The following IL5 variants were observed in gnomAD, a reference collection of about 807,000 sequenced individuals.
IL5 encodes the protein interleukin-5.
A neutral mutation model predicts 16.3 loss-of-function variants in IL5; 12 were observed. That is an observed-to-expected ratio of 0.74 (90% CI 0.47 to 1.20). The LOEUF (loss-of-function observed/expected upper bound fraction) is 1.20, where lower values mean the gene tolerates loss of function less well. Among genes scored for constraint, IL5 ranks in the 50% most tolerant of loss-of-function variants. IL5 has a pLI of 0.00. For missense variants in IL5, 159 were observed against 153.9 expected (o/e 1.03, Z -0.17); for synonymous variants, 54 against 56.6 (o/e 0.95, Z 0.21).
At position 132,543,495 on chromosome 5, in the gene IL5, G is replaced by T; in HGVS notation, c.-17C>A. The T allele has an allele frequency of 6.2e-7, 1 of 1,611,904 alleles. No individual in the cohort carries two copies. Among genetic ancestry groups the T allele is most frequent in the Non-Finnish European group, 8.5e-7 (1 of 1,179,230 alleles). On this transcript the variant is annotated 5_prime_UTR_variant, in exon 1 of 4. Coordinates refer to ENST00000231454, the MANE Select transcript of IL5 (RefSeq NM_000879.3). Reference sequence around the variant, plus strand: ...CATCCTCATGGCTCTGAAACGTTCTGCGTTTGCCTTTGGCAAAGAAAGTGC... The same window carrying T: ...CATCCTCATGGCTCTGAAACGTTCTTCGTTTGCCTTTGGCAAAGAAAGTGC...
intron 1 of IL5, among the ~76,000 whole-genome samples, chr5:132,555,166 C>T (rs1749954400): frequency 3.9e-5 from 6 of 152,210 alleles, no homozygotes; most frequent in Admixed American, 3.3e-4. Flanking sequence ...CTGCTGCTCA[C>T]CTCCTACTGT....
At chr5:132,551,638 AG>A (rs1163289957) in intron 1 of IL5, among the ~76,000 whole-genome samples, 2 of 152,160 alleles carry the variant, frequency 1.3e-5, no homozygotes, top group Non-Finnish European at 2.9e-5. Flanking sequence ...TGATGGGAAA[AG>A]CTCCAGCCAC....
At chr5:132,555,443 A>G (rs1259188459) in intron 1 of IL5, among the ~76,000 whole-genome samples, 2 of 152,198 alleles carry the variant, frequency 1.3e-5, no homozygotes, top group African/African-American at 2.4e-5. Context: ...AAGTGAAAAG[A>G]TTTGTAGAGG....
In IL5 at chr5:132,541,589, AT is replaced by A. The variant is rs1749689969; in HGVS notation, c.*221del. 2.3e-6 allele frequency: 1 copy of A among 439,732 alleles called. No homozygotes were observed. 27.2% of individuals were successfully genotyped at this position (439,732 alleles called of 1,614,324 possible). A position where few individuals can be genotyped will look rare whatever the true frequency, so the allele number is the denominator to read the frequency against. On this transcript the variant is annotated 3_prime_UTR_variant, in exon 4 of 4. Coordinates refer to ENST00000231454, the MANE Select transcript of IL5 (RefSeq NM_000879.3). ...AGTTAAATAAGAAAAAAGTATATCAATTTTGCCTGGAGGAAAATACTTCAAT... is the reference window on the plus strand; with the variant it reads ...AGTTAAATAAGAAAAAAGTATATCAATTTGCCTGGAGGAAAATACTTCAAT...
intron 1 of IL5, among the ~76,000 whole-genome samples, chr5:132,549,721 TG>T (rs1749852781): frequency 6.6e-6 from 1 of 152,246 alleles, no homozygotes; most frequent in South Asian, 2.1e-4. Context: ...TGGTTTTTAC[TG>T]TGTAGTCCTT....
rs1212208089 is a variant in IL5 at position 132,541,655 on chromosome 5, TTCTGGC to T, written c.*150_*155del. 7.8e-6 allele frequency: 4 copies of T among 511,704 alleles called. No individual in the cohort carries two copies. The highest frequency in any genetic ancestry group is 3.9e-5 in the African/African-American group (2 of 50,912). 31.7% of individuals were successfully genotyped at this position (511,704 alleles called of 1,614,324 possible). ...AAATATATTTTAAGAATTTTATGCT[TTCTGGC>T]AAAGTGTCAGTATGCCTGAAATATT... On this transcript the variant is annotated 3_prime_UTR_variant, in exon 4 of 4. Coordinates refer to ENST00000231454, the MANE Select transcript of IL5 (RefSeq NM_000879.3).
At chr5:132,554,995 CAT>C (rs1287412147) in intron 1 of IL5, among the ~76,000 whole-genome samples, 1 of 152,182 alleles carries the variant, frequency 6.6e-6, no homozygotes, top group East Asian at 1.9e-4. Flanking sequence ...GACCTCACAT[CAT>C]CAGGCATTAG....
intron 2 of IL5, 149 bp from the exon 3 acceptor site, chr5:132,542,292 A>G (rs1477411236): frequency 4.7e-6 from 2 of 426,224 alleles, no homozygotes; most frequent in East Asian, 7.5e-5. Context: ...TTAAAAAATA[A>G]TTATTAAAAC....
chr5:132,551,662 A>C (rs1183855237), intron 1 of IL5, among the ~76,000 whole-genome samples: 1 of 152,144 alleles, frequency 6.6e-6, no homozygotes, highest in Non-Finnish European at 1.5e-5. Context: ...GCAAACTTGA[A>C]CTGGAATAGT....
chr5:132,543,137 A>T lies in IL5; in HGVS notation c.145-11T>A. ...AGGAATCCTCAGAGTCTGGAGAGGA[A>T]AGGAAATACAATCATTTTTACAGCA... On this transcript the variant is annotated splice_polypyrimidine_tract_variant and intron_variant, in intron 1 of 3. Coordinates refer to ENST00000231454, the MANE Select transcript of IL5 (RefSeq NM_000879.3). 1.9e-6 allele frequency: 3 copies of T among 1,605,056 alleles called. No homozygotes were observed. The highest frequency in any genetic ancestry group is 2.6e-6 in the Non-Finnish European group (3 of 1,172,796).
intron 1 of IL5, among the ~76,000 whole-genome samples, chr5:132,554,366 C>CAAAAAAAAAA (rs70974050): frequency 1.2e-5 from 1 of 80,996 alleles, no homozygotes; most frequent in African/African-American, 4.5e-5. Context: ...GACTCCATCT[C>CAAAAAAAAAA]AAAAAAAAAA....
chr5:132,555,805 GC>G (rs1161796485), intron 1 of IL5, among the ~76,000 whole-genome samples: 1 of 152,162 alleles, frequency 6.6e-6, no homozygotes, highest in Non-Finnish European at 1.5e-5. Flanking sequence ...GTGAGCCACC[GC>G]GCCTGGCCAA....
chr5:132,543,093 C>T lies in IL5; in HGVS notation c.177+1G>A, dbSNP rs781719328. ...TTTTACTGAATCATAATTTAACTTA[C>T]ATTTTTATGTACAGGAACAGGAATC... On this transcript the variant is annotated splice_donor_variant, in intron 2 of 3. Transcript: ENST00000231454. LOFTEE classifies it high-confidence loss of function. 1 of 1,598,744 alleles carries T rather than the reference C, an allele frequency of 6.3e-7. No homozygotes were observed. The highest frequency in any genetic ancestry group is 1.7e-4 in the Middle Eastern group (1 of 6,036).
chr5:132,550,596 A>G (rs1226788338), intron 1 of IL5, among the ~76,000 whole-genome samples: 1 of 149,766 alleles, frequency 6.7e-6, no homozygotes, highest in Admixed American at 6.8e-5. Flanking sequence ...TGCTGGGATT[A>G]CAGGTGTGAG....
intron 1 of IL5, among the ~76,000 whole-genome samples, chr5:132,550,583 A>G (rs1749868646): frequency 6.6e-6 from 1 of 151,908 alleles, no homozygotes; most frequent in African/African-American, 2.4e-5. Flanking sequence ...CGGCCTCCCA[A>G]AGTGCTGGGA....
chr5:132,543,585 C>T (rs1276752265), upstream of IL5: 8 of 1,179,776 alleles, frequency 6.8e-6, no homozygotes, highest in Non-Finnish European at 9.2e-6. Context: ...TAATTTCTAA[C>T]AATCAGATAG....
At chr5:132,544,789 G>A (rs946113433), upstream of IL5, among the ~76,000 whole-genome samples, 6 of 152,184 alleles carry the variant, frequency 3.9e-5, no homozygotes, top group African/African-American at 7.2e-5. Context: ...TGTCTTGAGC[G>A]TCAAGAACAG....
intron 1 of IL5, among the ~76,000 whole-genome samples, chr5:132,554,552 G>A (rs1399146249): frequency 6.6e-6 from 1 of 152,098 alleles, no homozygotes; most frequent in South Asian, 2.1e-4. Flanking sequence ...ACAAGTGTTG[G>A]CAAGCATATG....
intron 1 of IL5, among the ~76,000 whole-genome samples, chr5:132,553,102 A>G (rs943152875): frequency 6.6e-6 from 1 of 152,130 alleles, no homozygotes; most frequent in African/African-American, 2.4e-5. Context: ...CATGCATTCC[A>G]TTGGGGTGGT....
Sources: gnomAD v4.1 joint callset for allele counts (sites outside exome capture counted in the v4.1 genomes callset) on GRCh38, gnomAD v4.1.1 for gene constraint, MANE v1.5 for transcripts, NCBI Gene and HGNC (gene_info 2026-07-23, HGNC 2026-07-21) for gene names.